Variants in LRSAM1 observed in about 807,000 individuals in gnomAD.
LRSAM1 encodes the protein leucine rich repeat and sterile alpha motif containing 1.
LRSAM1 carries 96 observed loss-of-function variants against 118.1 expected under a neutral mutation model. That is an observed-to-expected ratio of 0.81 (90% confidence interval 0.69 to 0.96). LRSAM1 has a LOEUF of 0.96. Ranked by LOEUF, LRSAM1 falls within the 40% of genes least tolerant of loss-of-function variation. The pLI, the probability that LRSAM1 is intolerant of heterozygous loss-of-function variation, is 0.00. For missense variants in LRSAM1, 804 were observed against 915.5 expected (o/e 0.88, Z 1.57); for synonymous variants, 322 against 364.2 (o/e 0.88, Z 1.32).
At chr9:127,471,280 A>G (rs182109052) in intron 10 of LRSAM1, among the ~76,000 whole-genome samples, 11 of 151,692 alleles carry the variant, frequency 7.3e-5, no homozygotes, top group Admixed American at 4.6e-4. Context: ...GGAGTTCAAC[A>G]TGGGCAACAT....
intron 17 of LRSAM1, chr9:127,486,759 G>C (rs1194435478): frequency 1.3e-5 from 2 of 152,268 alleles, no homozygotes; most frequent in Non-Finnish European, 2.9e-5. Flanking sequence ...CCTACCTGTA[G>C]AGTTGGTGGA....
intron 9 of LRSAM1, among the ~76,000 whole-genome samples, chr9:127,467,214 G>A (rs1322822983): frequency 6.6e-6 from 1 of 152,124 alleles, no homozygotes; most frequent in Non-Finnish European, 1.5e-5. Flanking sequence ...TTTTACAGAA[G>A]CAGAACTGGC....
Position 127,501,093 on chromosome 9 carries a change from G to A in LRSAM1, c.1996G>A (p.Ala666Thr). ...GTCTGTGAGGCCATCCGCTCCCCCT[G>A]CAGAGCTGGAGGTGCAGGCCTCAGA... Reference protein sequence around the residue: ...PESVRPSAPPAELEVQASECV... With the variant: ...PESVRPSAPPTELEVQASECV... The change falls in exon 25 of 26, where the codon GCA becomes ACA. Residue 666 changes from alanine (A) to threonine (T), a missense_variant. Transcript: ENST00000300417. 6.2e-7 allele frequency: 1 copy of A among 1,613,964 alleles called. No individual in the cohort carries two copies. Among genetic ancestry groups the A allele is most frequent in the Non-Finnish European group, 8.5e-7 (1 of 1,180,028 alleles).
intron 2 of LRSAM1, among the ~76,000 whole-genome samples, chr9:127,453,043 C>G: frequency 6.6e-6 from 1 of 152,198 alleles, no homozygotes; most frequent in African/African-American, 2.4e-5. Context: ...AGCCAGGCCA[C>G]TGAACTTAAT....
chr9:127,500,362 A>AAAAAAAAAAAAG, intron 24 of LRSAM1, among the ~76,000 whole-genome samples: 1 of 150,178 alleles, frequency 6.7e-6, no homozygotes, highest in Non-Finnish European at 1.5e-5. Flanking sequence ...CTGTCTCAAA[A>AAAAAAAAAAAAG]AAAAAAAAAA....
chr9:127,487,543 G>T, intron 17 of LRSAM1, 133 bp from the exon 18 acceptor site: 1 of 791,650 alleles, frequency 1.3e-6, no homozygotes, highest in South Asian at 1.5e-5. Context: ...CCAGGGCCCG[G>T]CTCCCAGCAG....
At chr9:127,488,216 C>T (rs1350400496) in intron 18 of LRSAM1, among the ~76,000 whole-genome samples, 2 of 152,072 alleles carry the variant, frequency 1.3e-5, no homozygotes, top group East Asian at 1.9e-4. Context: ...ACGAAGGGCC[C>T]CTGTGACCTC....
chr9:127,454,638 C>T (rs1386690728), intron 3 of LRSAM1, 39 bp downstream of exon 3: 3 of 1,596,444 alleles, frequency 1.9e-6, no homozygotes, highest in African/African-American at 2.7e-5. Context: ...TATCCCATCT[C>T]CTCCTCGGTC....
intron 11 of LRSAM1, among the ~76,000 whole-genome samples, chr9:127,476,171 G>A (rs1047924141): frequency 1.3e-5 from 2 of 152,160 alleles, no homozygotes; most frequent in Admixed American, 6.5e-5. Context: ...AGTATTGGAT[G>A]CCCCCCAAAT....
intron 10 of LRSAM1, among the ~76,000 whole-genome samples, chr9:127,468,331 AAG>A (rs1022535788): frequency 2.0e-5 from 3 of 152,010 alleles, no homozygotes; most frequent in African/African-American, 7.2e-5. Context: ...GGAGGAAAGA[AAG>A]AGTGCAGGAC....
At chr9:127,494,695 G>A (rs1016664667) in intron 21 of LRSAM1, among the ~76,000 whole-genome samples, 3 of 152,136 alleles carry the variant, frequency 2.0e-5, no homozygotes, top group African/African-American at 7.2e-5. Context: ...TGTAATCCCA[G>A]CACTTTGGGA....
intron 9 of LRSAM1, among the ~76,000 whole-genome samples, chr9:127,466,491 TATATATATATA>T (rs1266731711): frequency 0.025 from 373 of 15,112 alleles, 13 homozygotes; most frequent in African/African-American, 0.072. Flanking sequence ...TATATATATA[TATATATATATA>T]TATTTTTTTT....
intron 21 of LRSAM1, among the ~76,000 whole-genome samples, chr9:127,494,331 C>T (rs747832074): frequency 2.6e-4 from 40 of 152,224 alleles, no homozygotes; most frequent in Non-Finnish European, 5.3e-4. Flanking sequence ...CATGCCAGCC[C>T]TCACTGAACA....
intron 10 of LRSAM1, among the ~76,000 whole-genome samples, chr9:127,469,280 G>A (rs1034754044): frequency 1.3e-5 from 2 of 151,862 alleles, no homozygotes; most frequent in Non-Finnish European, 2.9e-5. Context: ...GACCAGCCTG[G>A]TCAACATGGT....
At chr9:127,470,537 G>C (rs913872048) in intron 10 of LRSAM1, among the ~76,000 whole-genome samples, 1 of 152,070 alleles carries the variant, frequency 6.6e-6, no homozygotes, top group African/African-American at 2.4e-5. Flanking sequence ...AAATGCATAT[G>C]AATAAATGCC....
intron 10 of LRSAM1, 28 bp from the exon 11 acceptor site, chr9:127,473,773 T>G: frequency 6.2e-7 from 1 of 1,614,040 alleles, no homozygotes; most frequent in Admixed American, 1.7e-5. Context: ...TCCTCCCTCC[T>G]GGTCAGCTTG....
intron 11 of LRSAM1, among the ~76,000 whole-genome samples, chr9:127,477,905 C>T (rs996358197): frequency 1.3e-5 from 2 of 151,642 alleles, no homozygotes; most frequent in African/African-American, 4.8e-5. Flanking sequence ...GAAAATCAGC[C>T]GGGTGTGGTG....
chr9:127,495,103 C>T (rs559472765), intron 21 of LRSAM1, among the ~76,000 whole-genome samples: 8 of 152,228 alleles, frequency 5.3e-5, no homozygotes, highest in African/African-American at 9.6e-5. Context: ...AGGCATGTGC[C>T]GCCATGCCTG....
At chr9:127,481,321 C>T (rs1835530447) in intron 15 of LRSAM1, 94 bp downstream of exon 15, 7 of 1,372,566 alleles carry the variant, frequency 5.1e-6, no homozygotes, top group Middle Eastern at 1.9e-4. Context: ...GGCACAATCT[C>T]GGCTCAGTGC....
Sources: allele counts gnomAD v4.1 joint callset (sites outside exome capture counted in the v4.1 genomes callset), GRCh38; gene constraint gnomAD v4.1.1; transcripts MANE v1.5; gene names NCBI Gene and HGNC (gene_info 2026-07-23, HGNC 2026-07-21).